PARD3B: variants seen among roughly 807,000 people sequenced by gnomAD.
The protein encoded by PARD3B is partitioning defective 3 homolog B.
A neutral mutation model predicts 130.2 loss-of-function variants in PARD3B; 103 were observed. The observed-to-expected ratio is 0.79, with a 90% CI of 0.67 to 0.93. The LOEUF is 0.93. Ranked by LOEUF, PARD3B falls within the 40% of genes least tolerant of loss-of-function variation. PARD3B has a pLI of 0.00. For synonymous variants in PARD3B, 583 were observed against 553.2 expected (o/e 1.05, Z -0.76); for missense variants, 1,609 against 1,499.2 (o/e 1.07, Z -1.21).
At chr2:204,772,433 A>G (rs367908350) in intron 2 of PARD3B, among the ~76,000 whole-genome samples, 6 of 152,240 alleles carry the variant, frequency 3.9e-5, no homozygotes, top group Admixed American at 2.0e-4. Flanking sequence ...TGATCCCAAT[A>G]CATTAGGATC....
At chr2:205,129,687 T>C (rs1321023238) in intron 10 of PARD3B, among the ~76,000 whole-genome samples, 1 of 152,252 alleles carries the variant, frequency 6.6e-6, no homozygotes, top group African/African-American at 2.4e-5. Context: ...TGTACCTTCT[T>C]AACAGCACTG....
intron 2 of PARD3B, among the ~76,000 whole-genome samples, chr2:204,870,003 G>A (rs538010691): frequency 6.6e-6 from 1 of 152,294 alleles, no homozygotes; most frequent in East Asian, 1.9e-4. Flanking sequence ...CCTACTGTGA[G>A]AACAGGTTGC....
At chr2:204,962,430 A>G (rs1690825034) in intron 2 of PARD3B, among the ~76,000 whole-genome samples, 1 of 152,062 alleles carries the variant, frequency 6.6e-6, no homozygotes, top group Non-Finnish European at 1.5e-5. Context: ...TTTTAAATAG[A>G]ATTCCTTCTT....
rs927605682 is a variant in PARD3B, at chr2:205,558,296, C to T, written c.3260+4893C>T. On this transcript the variant is annotated intron_variant, in intron 22 of 22. Coordinates refer to ENST00000406610, the MANE Select transcript of PARD3B (RefSeq NM_001302769.2). This position sits in a 1 kb window ranked among gnomAD's most constrained non-coding sequence, Gnocchi z 4.8. ...TTAACCAGGAAGGTGGAGCATGATG[C>T]TCTAGCTCCCAGGGCAGACATGGCA... 3.3e-5 allele frequency among the ~76,000 whole-genome samples: 5 copies of T among 152,104 alleles called. No homozygotes were observed. Among genetic ancestry groups the T allele is most frequent in the African/African-American group, 1.2e-4 (5 of 41,404 alleles).
chr2:205,009,100 C>T (rs533439319), intron 3 of PARD3B, among the ~76,000 whole-genome samples: 12 of 152,268 alleles, frequency 7.9e-5, no homozygotes, highest in Non-Finnish European at 1.5e-4. Context: ...CAAATTTATG[C>T]AATACCTTAT....
rs769918623 is a variant in PARD3B, at chr2:205,054,436, ATTTTTT to A, written c.504+6762_504+6767del. ...TATATATATATATATATATATATAT[ATTTTTT>A]TTTTTTTTTTTTTTTAATTATACTC... On this transcript the variant is annotated intron_variant, in intron 4 of 22. Coordinates refer to ENST00000406610, the MANE Select transcript of PARD3B (RefSeq NM_001302769.2). 4.8e-3 allele frequency among the ~76,000 whole-genome samples: 136 copies of A among 28,400 alleles called. 4 individuals carry two copies. Among genetic ancestry groups the A allele is most frequent in the South Asian group, 0.011 (4 of 364 alleles). 18.6% of individuals were successfully genotyped at this position (28,400 alleles called of 152,430 possible).
chr2:204,941,352 C>A (rs1434884863), intron 2 of PARD3B, among the ~76,000 whole-genome samples: 3 of 152,008 alleles, frequency 2.0e-5, no homozygotes, highest in Non-Finnish European at 2.9e-5. Flanking sequence ...CCAGCCTGGG[C>A]GACAGAGCGA....
chr2:205,037,501 T>G (rs908633833), intron 3 of PARD3B, among the ~76,000 whole-genome samples: 4 of 147,866 alleles, frequency 2.7e-5, no homozygotes, highest in Admixed American at 1.4e-4. Context: ...ATAAAATATA[T>G]AGTGGACTAT....
intron 2 of PARD3B, among the ~76,000 whole-genome samples, chr2:204,848,721 A>G (rs1053919164): frequency 3.3e-5 from 5 of 151,454 alleles, no homozygotes; most frequent in Admixed American, 6.6e-5. Flanking sequence ...TATTTTAAAC[A>G]TATATTAAAA....
intron 2 of PARD3B, among the ~76,000 whole-genome samples, chr2:204,821,606 A>G (rs942273397): frequency 6.6e-6 from 1 of 151,814 alleles, no homozygotes; most frequent in Non-Finnish European, 1.5e-5. Flanking sequence ...TGACAAGTTA[A>G]TGGGAGCAGC....
intron 22 of PARD3B, among the ~76,000 whole-genome samples, chr2:205,604,984 C>T (rs191210187): frequency 3.6e-4 from 55 of 152,304 alleles, no homozygotes; most frequent in African/African-American, 1.3e-3. Flanking sequence ...ATTCCTTCCT[C>T]CTCTTGGTCA....
chr2:205,106,675 C>G (rs1259596913), intron 5 of PARD3B, among the ~76,000 whole-genome samples: 1 of 152,134 alleles, frequency 6.6e-6, no homozygotes. Flanking sequence ...CTATTTCAAA[C>G]ATTCCTGTTG....
chr2:205,504,871 C>T, intron 21 of PARD3B, among the ~76,000 whole-genome samples: 1 of 152,124 alleles, frequency 6.6e-6, no homozygotes, highest in East Asian at 1.9e-4. Flanking sequence ...ACCATTTGAC[C>T]CAGCCATCCC....
At position 205,553,385 on chromosome 2, in the gene PARD3B, A is replaced by G. The variant is rs2052735333; in HGVS notation, c.3242A>G (p.Gln1081Arg). The change falls in exon 22 of 23, where the codon CAG (glutamine) becomes CGG (arginine). Residue 1081 changes from glutamine to arginine, a missense_variant. By Grantham distance (43) the Gln-to-Arg change is conservative (BLOSUM62 1). Transcript: ENST00000406610. ...CTCCGCTTTGAAGGGATGGAGAGGC[A>G]GTACGCATCCTTACCCAGGTAGATC... ...HNLRFEGMERQYASLPRGGPA... is the reference protein window; with the variant it reads ...HNLRFEGMERRYASLPRGGPA... 1.2e-6 allele frequency: 2 copies of G among 1,613,918 alleles called. No homozygotes were observed. The highest frequency in any genetic ancestry group is 3.3e-5 in the Admixed American group (2 of 60,006).
chr2:205,061,392 A>G (rs181012421), intron 4 of PARD3B, among the ~76,000 whole-genome samples: 10 of 152,184 alleles, frequency 6.6e-5, no homozygotes, highest in East Asian at 3.9e-4. Flanking sequence ...TTGCTGGTCA[A>G]TTTCTGTCAA....
At chr2:204,716,282 G>C (rs1336056628) in intron 2 of PARD3B, among the ~76,000 whole-genome samples, 1 of 152,088 alleles carries the variant, frequency 6.6e-6, no homozygotes, top group African/African-American at 2.4e-5. Context: ...CCACAGATCA[G>C]CAACATGAGC....
chr2:205,497,034 C>G (rs1044546088), intron 20 of PARD3B, among the ~76,000 whole-genome samples: 5 of 151,922 alleles, frequency 3.3e-5, no homozygotes, highest in Admixed American at 2.6e-4. Flanking sequence ...GCTAGGGAAG[C>G]TGTTGAAAAT....
At chr2:204,621,592 G>T (rs375236157) in intron 1 of PARD3B, among the ~76,000 whole-genome samples, 2 of 151,918 alleles carry the variant, frequency 1.3e-5, no homozygotes, top group African/African-American at 4.8e-5. Context: ...GATTTGTTTT[G>T]GAAATTTCTT....
At chr2:204,748,655 A>G (rs1011101499) in intron 2 of PARD3B, among the ~76,000 whole-genome samples, 1 of 152,098 alleles carries the variant, frequency 6.6e-6, no homozygotes, top group Non-Finnish European at 1.5e-5. Flanking sequence ...ACTCTAAACT[A>G]TCTGATTCAG....
Sources: gnomAD v4.1 joint callset for allele counts (sites outside exome capture counted in the v4.1 genomes callset) on GRCh38, gnomAD v4.1.1 for gene constraint, Gnocchi (gnomAD v3.1) non-coding constraint, MANE v1.5 for transcripts, NCBI Gene and HGNC (gene_info 2026-07-23, HGNC 2026-07-21) for gene names.